CTNND2: variants seen among roughly 807,000 people sequenced by gnomAD.
CTNND2 encodes catenin delta 2.
A neutral mutation model predicts 144.4 loss-of-function variants in CTNND2; 22 were observed. The observed-to-expected ratio is 0.15, with a 90% CI of 0.11 to 0.22. CTNND2 has a LOEUF of 0.22. CTNND2 is among the 10% of genes least tolerant of loss of function. The pLI is 1.00. For missense variants in CTNND2, 1,353 were observed against 1,618.8 expected (o/e 0.84, Z 2.82); for synonymous variants, 751 against 695.6 (o/e 1.08, Z -1.25).
chr5:11,902,335 C>T (rs536535338), intron 1 of CTNND2, among the ~76,000 whole-genome samples: 157 of 152,296 alleles, frequency 1.0e-3, no homozygotes, highest in African/African-American at 3.5e-3. Flanking sequence ...ATATATCACA[C>T]GTCTCGTAGC....
intron 2 of CTNND2, among the ~76,000 whole-genome samples, chr5:11,687,215 C>T (rs927509495): frequency 8.5e-5 from 13 of 152,190 alleles, no homozygotes; most frequent in Non-Finnish European, 2.9e-5. Context: ...AAACACAGGT[C>T]TGATCATGTC....
At chr5:11,177,712 A>G (rs1323169104) in intron 11 of CTNND2, among the ~76,000 whole-genome samples, 1 of 152,158 alleles carries the variant, frequency 6.6e-6, no homozygotes, top group Non-Finnish European at 1.5e-5. Flanking sequence ...AGTTAGATGG[A>G]AATTTATATC....
chr5:10,991,658 T>G (rs1738694497), intron 19 of CTNND2, among the ~76,000 whole-genome samples: 3 of 152,204 alleles, frequency 2.0e-5, no homozygotes. Context: ...AGTTCAAAAT[T>G]TAAGCAATAG....
chr5:11,430,269 AAGG>A (rs1472765925), intron 3 of CTNND2, among the ~76,000 whole-genome samples: 1 of 148,038 alleles, frequency 6.8e-6, no homozygotes, highest in African/African-American at 2.6e-5. Context: ...AAAAAAAAAA[AAGG>A]AGTTTTTTTT....
chr5:11,879,678 T>G (rs944182438), intron 1 of CTNND2, among the ~76,000 whole-genome samples: 4 of 151,922 alleles, frequency 2.6e-5, no homozygotes, highest in Non-Finnish European at 2.9e-5. Flanking sequence ...GAAACAAGAC[T>G]TTTTTACTAA....
rs531785040 is a variant in CTNND2, at chr5:11,072,871, T to C, written c.2788+9825A>G. Reference sequence around the variant, plus strand: ...GCCCGGGGGCTTGCGGTGCCCTTCCTGCTAGGCTGGCTGTCCCCTCCCTGC... The same window carrying C: ...GCCCGGGGGCTTGCGGTGCCCTTCCCGCTAGGCTGGCTGTCCCCTCCCTGC... On this transcript the variant is annotated intron_variant, in intron 16 of 21. Transcript: ENST00000304623. Among the ~76,000 whole-genome samples, 5 of 152,324 alleles carry C rather than the reference T, an allele frequency of 3.3e-5. No homozygotes were observed. In the Middle Eastern group the frequency reaches 0.01, roughly 311 times the overall value.
At chr5:11,120,559 GGGGT>G (rs1561335769) in intron 12 of CTNND2, among the ~76,000 whole-genome samples, 76 of 61,966 alleles carry the variant, frequency 1.2e-3, no homozygotes, top group Middle Eastern at 7.8e-3. Flanking sequence ...ACTGTCCGCA[GGGGT>G]GATGAGGCTC....
chr5:11,603,972 T>A (rs1331429959), intron 2 of CTNND2, among the ~76,000 whole-genome samples: 1 of 152,226 alleles, frequency 6.6e-6, no homozygotes, highest in Non-Finnish European at 1.5e-5. Flanking sequence ...TAGCAAACAT[T>A]TAATCATTGC....
chr5:11,522,292 G>T (rs1040312074), intron 3 of CTNND2, among the ~76,000 whole-genome samples: 22 of 152,150 alleles, frequency 1.4e-4, no homozygotes, highest in African/African-American at 5.1e-4. Flanking sequence ...AGGACCCTGG[G>T]CTGGAAGACC....
At chr5:11,648,058 T>C (rs1376837731) in intron 2 of CTNND2, among the ~76,000 whole-genome samples, 2 of 152,210 alleles carry the variant, frequency 1.3e-5, no homozygotes, top group Admixed American at 6.5e-5. Context: ...ATTTCTATTC[T>C]ATTGCATCCT....
intron 10 of CTNND2, among the ~76,000 whole-genome samples, chr5:11,207,105 A>T (rs1738125051): frequency 6.6e-6 from 1 of 152,188 alleles, no homozygotes; most frequent in Non-Finnish European, 1.5e-5. Context: ...ATGAAGCTGG[A>T]AACCATCATT....
At chr5:10,992,811 C>A in intron 18 of CTNND2, 134 bp from the exon 19 acceptor site, 1 of 1,227,288 alleles carries the variant, frequency 8.1e-7, no homozygotes, top group Non-Finnish European at 1.1e-6. Flanking sequence ...TGAAGTTCTG[C>A]GCTCTCATGG....
rs1743694191 is a variant in CTNND2, at chr5:11,033,334, T to C, written c.2789-10355A>G. Among the ~76,000 whole-genome samples the C allele has an allele frequency of 2.6e-5, 4 of 152,328 alleles. No individual in the cohort carries two copies. In the South Asian group the frequency reaches 8.3e-4, roughly 32 times the overall value. On this transcript the variant is annotated intron_variant, in intron 16 of 21. Transcript: ENST00000304623. ...CAAGAGTTTGCTGGGGATTCTTCTG[T>C]TGTATGTGTATAAACATTTTCTGTG...
At chr5:11,512,827 GGT>G (rs1771778363) in intron 3 of CTNND2, among the ~76,000 whole-genome samples, 1 of 152,136 alleles carries the variant, frequency 6.6e-6, no homozygotes. Flanking sequence ...GTGACTGCAT[GGT>G]ACATTCATTA....
chr5:11,364,940 G>C, intron 7 of CTNND2, 50 bp from the exon 8 acceptor site: 1 of 1,499,346 alleles, frequency 6.7e-7, no homozygotes, highest in African/African-American at 1.4e-5. Flanking sequence ...CCTCCAAACA[G>C]AACTTGTTTA....
chr5:11,310,379 C>G (rs947796705), intron 9 of CTNND2, among the ~76,000 whole-genome samples: 1 of 151,938 alleles, frequency 6.6e-6, no homozygotes, highest in Non-Finnish European at 1.5e-5. Flanking sequence ...CCTTATCTTC[C>G]CCTCAAACTT....
At chr5:11,653,259 C>T (rs1782740019) in intron 2 of CTNND2, among the ~76,000 whole-genome samples, 1 of 152,032 alleles carries the variant, frequency 6.6e-6, no homozygotes, top group South Asian at 2.1e-4. Context: ...TTAATAGTCC[C>T]ACATATACCC....
intron 1 of CTNND2, among the ~76,000 whole-genome samples, chr5:11,787,083 A>T (rs1026427378): frequency 6.6e-6 from 1 of 152,226 alleles, no homozygotes; most frequent in East Asian, 1.9e-4. Context: ...TGACACTAAT[A>T]TAAAAACTTC....
chr5:11,194,373 TC>T (rs1736643379), intron 11 of CTNND2, among the ~76,000 whole-genome samples: 1 of 152,084 alleles, frequency 6.6e-6, no homozygotes, highest in Admixed American at 6.5e-5. Flanking sequence ...GAAAGTACTG[TC>T]CCCTTCCTCC....
Sources: gnomAD v4.1 joint callset for allele counts (sites outside exome capture counted in the v4.1 genomes callset) on GRCh38, gnomAD v4.1.1 for gene constraint, MANE v1.5 for transcripts, NCBI Gene and HGNC (gene_info 2026-07-23, HGNC 2026-07-21) for gene names.